Variants in SLC22A3 observed in about 807,000 individuals in gnomAD.
The protein encoded by SLC22A3 is solute carrier family 22 member 3.
Under a neutral mutation model 59.1 loss-of-function variants are expected in SLC22A3, and 51 were observed. The observed-to-expected ratio is 0.86, with a 90% confidence interval of 0.69 to 1.09. The LOEUF (loss-of-function observed/expected upper bound fraction) is 1.09, where lower values mean the gene tolerates loss of function less well. Among genes scored for constraint, SLC22A3 ranks in the 50% least tolerant of loss-of-function variants. The probability of loss-of-function intolerance (pLI) is 0.00; values close to 1 mark genes in which losing one functional copy is unlikely to be tolerated. For missense variants in SLC22A3, 711 were observed against 726.3 expected (o/e 0.98, Z 0.24); for synonymous variants, 325 against 292.0 (o/e 1.11, Z -1.15).
chr6:160,393,395 C>G (rs1003646975), intron 1 of SLC22A3, among the ~76,000 whole-genome samples: 1 of 151,134 alleles, frequency 6.6e-6, no homozygotes, highest in African/African-American at 2.4e-5. Flanking sequence ...CCCATTAACT[C>G]GTCATTTAGC....
intron 1 of SLC22A3, among the ~76,000 whole-genome samples, chr6:160,379,249 C>T (rs1335265031): frequency 6.6e-6 from 1 of 152,116 alleles, no homozygotes; most frequent in Non-Finnish European, 1.5e-5. Flanking sequence ...AATGCTTTTC[C>T]TCTATCTGTT....
chr6:160,372,551 G>C (rs192781381), intron 1 of SLC22A3, among the ~76,000 whole-genome samples: 1 of 152,124 alleles, frequency 6.6e-6, no homozygotes, highest in Non-Finnish European at 1.5e-5. Context: ...TGTTGTCCTG[G>C]GTTGGGGAAG....
At chr6:160,404,907 C>G (rs2114847622) in intron 2 of SLC22A3, among the ~76,000 whole-genome samples, 1 of 148,344 alleles carries the variant, frequency 6.7e-6, no homozygotes, top group Middle Eastern at 3.6e-3. Context: ...GACCTTACAC[C>G]CTTTAAAAAA....
intron 1 of SLC22A3, among the ~76,000 whole-genome samples, chr6:160,360,824 G>A (rs1048779025): frequency 6.6e-6 from 1 of 152,080 alleles, no homozygotes; most frequent in African/African-American, 2.4e-5. Flanking sequence ...TTGGTGACAA[G>A]ATATAGAGTG....
chr6:160,448,431 G>A (rs1788827561), intron 10 of SLC22A3, among the ~76,000 whole-genome samples: 1 of 152,172 alleles, frequency 6.6e-6, no homozygotes, highest in Non-Finnish European at 1.5e-5. Context: ...GTAGATAAAT[G>A]ATAAATAATA....
chr6:160,371,998 A>T (rs1016537578), intron 1 of SLC22A3, among the ~76,000 whole-genome samples: 1 of 151,972 alleles, frequency 6.6e-6, no homozygotes, highest in Non-Finnish European at 1.5e-5. Flanking sequence ...GTCTGTTCAT[A>T]TCCTTTGCCC....
chr6:160,408,312 C>T (rs2114854474), intron 3 of SLC22A3, among the ~76,000 whole-genome samples: 1 of 152,212 alleles, frequency 6.6e-6, no homozygotes, highest in Middle Eastern at 3.4e-3. Context: ...TTTGTAGAGT[C>T]TTATATTTAT....
At chr6:160,442,109 C>T (rs1008966052) in intron 7 of SLC22A3, among the ~76,000 whole-genome samples, 17 of 152,134 alleles carry the variant, frequency 1.1e-4, no homozygotes, top group Admixed American at 2.0e-4. Flanking sequence ...TTAAAATGGA[C>T]GAACCAATTA....
intron 2 of SLC22A3, among the ~76,000 whole-genome samples, chr6:160,404,062 C>T (rs991068578): frequency 6.6e-6 from 1 of 151,884 alleles, no homozygotes; most frequent in African/African-American, 2.4e-5. Flanking sequence ...GCTAGAAGCC[C>T]TCGCTAATAC....
rs184629105 is a variant in SLC22A3 at position 160,383,445 on chromosome 6, G to A, written c.430-14534G>A. Among the ~76,000 whole-genome samples the A allele has an allele frequency of 1.8e-4, 27 of 152,128 alleles. No individual in the cohort carries two copies. The Middle Eastern group carries it at 0.01, about 58-fold the overall frequency. ...CATCTGACCCTGGGGGGCCCTTCCCGCTTTCCTCTTGCTATGCTCACTACA... is the reference window on the plus strand; with the variant it reads ...CATCTGACCCTGGGGGGCCCTTCCCACTTTCCTCTTGCTATGCTCACTACA... On this transcript the variant is annotated intron_variant, in intron 1 of 10. Transcript: ENST00000275300.
intron 1 of SLC22A3, among the ~76,000 whole-genome samples, chr6:160,349,503 T>C (rs1222207193): frequency 6.6e-6 from 1 of 152,182 alleles, no homozygotes; most frequent in African/African-American, 2.4e-5. Flanking sequence ...GTAATAAATT[T>C]TAGGAACATA....
At chr6:160,437,630 T>A (rs982173309) in intron 7 of SLC22A3, among the ~76,000 whole-genome samples, 2 of 152,238 alleles carry the variant, frequency 1.3e-5, no homozygotes, top group East Asian at 3.8e-4. Flanking sequence ...TATTAAGGGA[T>A]ACAGATACTT....
Position 160,442,760 on chromosome 6 carries a change from G to A in SLC22A3, c.1289-1G>A, listed in dbSNP as rs1174958521. The A allele has an allele frequency of 6.2e-7, 1 of 1,609,878 alleles. No individual in the cohort carries two copies. Among genetic ancestry groups the A allele is most frequent in the Admixed American group, 1.7e-5 (1 of 60,010 alleles). On this transcript the variant is annotated splice_acceptor_variant, in intron 7 of 10. Transcript: ENST00000275300. LOFTEE classifies it high-confidence loss of function. Reference sequence around the variant, plus strand: ...CCCTTTCAAACTTTCTGTGTTTGCAGGAATAGCATGGTTGAGGACCACAGT... The same window carrying A: ...CCCTTTCAAACTTTCTGTGTTTGCAAGAATAGCATGGTTGAGGACCACAGT...
In SLC22A3 at chr6:160,415,980, A is replaced by AAT. The variant is rs1230786260; in HGVS notation, c.975+5136_975+5137dup. Among the ~76,000 whole-genome samples, 1 of 152,202 alleles carries AAT rather than the reference A, an allele frequency of 6.6e-6. No individual in the cohort carries two copies. On this transcript the variant is annotated intron_variant, in intron 5 of 10. Transcript: ENST00000275300. The surrounding 1 kb of genome is among the most constrained non-coding windows in gnomAD (Gnocchi z 4.1). ...GAGAGAAGGGAAAATATGAGAGGAA[A>AAT]ATAGTATGACAGATTTGATCCAACA... is the stretch of plus-strand genomic sequence containing the variant.
At chr6:160,418,828 T>C (rs1290629671) in intron 5 of SLC22A3, among the ~76,000 whole-genome samples, 2 of 152,244 alleles carry the variant, frequency 1.3e-5, no homozygotes, top group Non-Finnish European at 2.9e-5. Context: ...CAGAACTGAA[T>C]ATGCCCATAT....
At chr6:160,405,185 T>C (rs770859976) in intron 2 of SLC22A3, among the ~76,000 whole-genome samples, 3 of 151,932 alleles carry the variant, frequency 2.0e-5, no homozygotes, top group Admixed American at 6.6e-5. Context: ...CCAAAATATA[T>C]AAAGAACTCT....
At chr6:160,410,268 C>T (rs186961054) in intron 4 of SLC22A3, among the ~76,000 whole-genome samples, 13 of 152,336 alleles carry the variant, frequency 8.5e-5, no homozygotes, top group African/African-American at 2.6e-4. Context: ...CCACCCACCT[C>T]GGCCTCCCAA....
At chr6:160,430,472 G>T (rs1300563177) in intron 5 of SLC22A3, among the ~76,000 whole-genome samples, 1 of 152,120 alleles carries the variant, frequency 6.6e-6, no homozygotes, top group African/African-American at 2.4e-5. Flanking sequence ...ACGTCAACTT[G>T]AAGAAATGTT....
At chr6:160,368,276 A>G (rs762251465) in intron 1 of SLC22A3, among the ~76,000 whole-genome samples, 1 of 152,048 alleles carries the variant, frequency 6.6e-6, no homozygotes, top group Non-Finnish European at 1.5e-5. Context: ...CTCTGCTCCC[A>G]TAGCTTCCTT....
Sources: gnomAD v4.1 joint callset for allele counts (sites outside exome capture counted in the v4.1 genomes callset) on GRCh38, gnomAD v4.1.1 for gene constraint, Gnocchi (gnomAD v3.1) non-coding constraint, MANE v1.5 for transcripts, NCBI Gene and HGNC (gene_info 2026-07-23, HGNC 2026-07-21) for gene names.